Variants in TRIO observed in about 807,000 individuals in gnomAD.
TRIO encodes triple functional domain protein.
TRIO carries 58 observed loss-of-function variants against 351.9 expected under a neutral mutation model. The ratio of observed to expected loss-of-function variants is 0.16; its 90% CI spans 0.13 to 0.21. TRIO has a LOEUF of 0.21. Ranked by LOEUF, TRIO falls within the 10% of genes least tolerant of loss-of-function variation. TRIO has a pLI of 1.00. For missense variants in TRIO, 3,201 were observed against 4,027.8 expected, an observed-to-expected ratio of 0.79 and a Z score of 5.56; for synonymous variants, 1,758 against 1,595.7, an observed-to-expected ratio of 1.10 and a Z score of -2.42.
At chr5:14,190,021 A>C (rs894700051) in intron 1 of TRIO, among the ~76,000 whole-genome samples, 1 of 151,816 alleles carries the variant, frequency 6.6e-6, no homozygotes, top group African/African-American at 2.4e-5. Context: ...CATGCCCGGC[A>C]TATCTTCAGA....
At chr5:14,255,553 C>T (rs1794978940) in intron 1 of TRIO, among the ~76,000 whole-genome samples, 1 of 152,174 alleles carries the variant, frequency 6.6e-6, no homozygotes, top group African/African-American at 2.4e-5. Flanking sequence ...TCCAGCGTCC[C>T]TCCTCTGAAA....
chr5:14,222,008 G>C (rs556698936), intron 1 of TRIO, among the ~76,000 whole-genome samples: 63 of 151,436 alleles, frequency 4.2e-4, no homozygotes, highest in African/African-American at 1.5e-3. Flanking sequence ...TTAAGAAATT[G>C]CCGCAGCCAC....
intron 1 of TRIO, among the ~76,000 whole-genome samples, chr5:14,152,681 T>A (rs1464635640): frequency 6.6e-6 from 1 of 152,222 alleles, no homozygotes; most frequent in Non-Finnish European, 1.5e-5. Context: ...TCACGCTTTT[T>A]AAGAGTCACT....
chr5:14,358,065 C>A, intron 11 of TRIO, 113 bp from the exon 12 acceptor site: 1 of 1,326,202 alleles, frequency 7.5e-7, no homozygotes, highest in Non-Finnish European at 1.0e-6. Flanking sequence ...TGTCACCAGT[C>A]CCCTCCCAGG....
intron 1 of TRIO, among the ~76,000 whole-genome samples, chr5:14,268,479 G>A (rs1008900697): frequency 6.6e-6 from 1 of 152,244 alleles, no homozygotes; most frequent in Non-Finnish European, 1.5e-5. Flanking sequence ...TGTCTCTCTA[G>A]TGTCGGAGCC....
At chr5:14,503,541 C>T (rs539565147) in intron 54 of TRIO, among the ~76,000 whole-genome samples, 10 of 152,334 alleles carry the variant, frequency 6.6e-5, no homozygotes, top group African/African-American at 2.4e-4. Flanking sequence ...GGACACTGGC[C>T]TCTTTCCACA....
intron 1 of TRIO, among the ~76,000 whole-genome samples, chr5:14,267,227 T>G (rs182764080): frequency 6.6e-6 from 1 of 152,336 alleles, no homozygotes; most frequent in East Asian, 1.9e-4. Flanking sequence ...AATTTCTCTT[T>G]GTGGCACCCC....
chr5:14,267,701 T>A (rs1327550057), intron 1 of TRIO, among the ~76,000 whole-genome samples: 1 of 152,226 alleles, frequency 6.6e-6, no homozygotes, highest in Non-Finnish European at 1.5e-5. Context: ...TATTGAAAGT[T>A]ACATATGATA....
chr5:14,465,783 C>T, intron 37 of TRIO, 143 bp downstream of exon 37: 1 of 805,328 alleles, frequency 1.2e-6, no homozygotes. Context: ...CCCATGACCA[C>T]CCTCGGGTTC....
chr5:14,498,532 G>A lies in TRIO; in HGVS notation c.8224G>A (p.Ala2742Thr). 6.2e-7 allele frequency: 1 copy of A among 1,614,036 alleles called. No individual in the cohort carries two copies. The highest frequency in any genetic ancestry group is 8.5e-7 in the Non-Finnish European group (1 of 1,179,904). The part of the protein sequence containing the change: ...YSISYSDLGE[A>T]TLKIVGVTTE... The stretch of plus-strand genomic sequence containing the variant: ...TCTGTGCCGCAGTGACCTGGGAGAG[G>A]CCACGCTGAAGATTGTGGGCGTGAC... Residue 2742 changes from alanine to threonine, a missense_variant, in exon 53 of 57, where the codon GCC (alanine) becomes ACC (threonine). Transcript: ENST00000344204.
At chr5:14,165,507 C>T (rs1340130427) in intron 1 of TRIO, among the ~76,000 whole-genome samples, 1 of 152,156 alleles carries the variant, frequency 6.6e-6, no homozygotes, top group East Asian at 1.9e-4. Flanking sequence ...ATCCAGTCTA[C>T]CATTGGCGGG....
At position 14,508,615 on chromosome 5, in the gene TRIO, C is replaced by T. The variant is rs1757883438; in HGVS notation, c.*193C>T. ...GCTGCGCTGGGGTGGAGGACCGTCACTTACACTCTGCCCAAGGCAGAGGTC... is the reference window on the plus strand; with the variant it reads ...GCTGCGCTGGGGTGGAGGACCGTCATTTACACTCTGCCCAAGGCAGAGGTC... On this transcript the variant is annotated 3_prime_UTR_variant, in exon 57 of 57. Coordinates refer to ENST00000344204, the MANE Select transcript of TRIO (RefSeq NM_007118.4). The T allele has an allele frequency of 6.2e-6, 4 of 647,242 alleles. No homozygotes were observed. In the East Asian group the frequency reaches 1.1e-4, roughly 18 times the overall value. The allele number at this position is 647,242 out of a possible 1,614,324, so 40.1% of individuals were successfully genotyped here. A position where few individuals can be genotyped will look rare whatever the true frequency, so the allele number is the denominator to read the frequency against.
At chr5:14,359,895 C>T (rs1484369768) in intron 13 of TRIO, among the ~76,000 whole-genome samples, 4 of 152,216 alleles carry the variant, frequency 2.6e-5, no homozygotes, top group Non-Finnish European at 5.9e-5. Context: ...CCCTTGTCCT[C>T]AGCTTAGGCA....
chr5:14,216,355 ATTG>A (rs770705350), intron 1 of TRIO, among the ~76,000 whole-genome samples: 2 of 152,308 alleles, frequency 1.3e-5, no homozygotes, highest in East Asian at 1.9e-4. Context: ...TTGTCCAACA[ATTG>A]TTGTTAGTTT....
intron 24 of TRIO, among the ~76,000 whole-genome samples, chr5:14,388,993 C>T (rs1215553549): frequency 2.6e-5 from 4 of 152,152 alleles, no homozygotes; most frequent in Admixed American, 6.5e-5. Context: ...CTAATTATGA[C>T]TGGCAACTAA....
chr5:14,236,293 A>G (rs1456123998), intron 1 of TRIO, among the ~76,000 whole-genome samples: 1 of 152,230 alleles, frequency 6.6e-6, no homozygotes, highest in African/African-American at 2.4e-5. Flanking sequence ...TGATAAAAAC[A>G]TTTTATGAAA....
intron 8 of TRIO, among the ~76,000 whole-genome samples, chr5:14,310,205 A>G (rs1561322812): frequency 2.0e-5 from 3 of 152,264 alleles, no homozygotes; most frequent in Non-Finnish European, 4.4e-5. Flanking sequence ...CTCAGCTACC[A>G]GTTTTTCAAC....
intron 11 of TRIO, among the ~76,000 whole-genome samples, chr5:14,340,711 A>C (rs1741866929): frequency 6.6e-6 from 1 of 152,230 alleles, no homozygotes; most frequent in Admixed American, 6.5e-5. Flanking sequence ...CCCTGGAAGA[A>C]GGTGGCTGCC....
chr5:14,167,024 C>A (rs559999030), intron 1 of TRIO, among the ~76,000 whole-genome samples: 1 of 152,054 alleles, frequency 6.6e-6, no homozygotes, highest in Admixed American at 6.6e-5. Context: ...CTGCACAATT[C>A]CTCAGTCTCT....
Sources: gnomAD v4.1 joint callset for allele counts (sites outside exome capture counted in the v4.1 genomes callset) on GRCh38, gnomAD v4.1.1 for gene constraint, MANE v1.5 for transcripts, NCBI Gene and HGNC (gene_info 2026-07-23, HGNC 2026-07-21) for gene names.